PIGU: variants seen among roughly 807,000 people sequenced by gnomAD.
The protein encoded by PIGU is GPI-anchor transamidase component PIGU.
A neutral mutation model predicts 49.9 loss-of-function variants in PIGU; 24 were observed. The ratio of observed to expected loss-of-function variants is 0.48; its 90% CI spans 0.35 to 0.68. PIGU has a LOEUF of 0.68. PIGU is among the 30% of genes least tolerant of loss of function. PIGU has a pLI of 0.01. For synonymous variants in PIGU, 220 were observed against 205.7 expected (o/e 1.07, Z -0.59); for missense variants, 490 against 532.6 (o/e 0.92, Z 0.79).
At position 34,628,278 on chromosome 20, in the gene PIGU, T is replaced by C. The variant is rs150202090; in HGVS notation, c.529+6337A>G. Among the ~76,000 whole-genome samples the C allele has an allele frequency of 4.4e-3, 661 of 151,130 alleles. 4 individuals are homozygous for C. The highest frequency in any genetic ancestry group is 0.015 in the African/African-American group (626 of 41,140). On this transcript the variant is annotated intron_variant, in intron 6 of 11. Coordinates refer to ENST00000217446, the MANE Select transcript of PIGU (RefSeq NM_080476.5). ...TGGGAGGACAGCTTGAGCCCAGGAG[T>C]TCAAGACCAGCCTGGGCAACACAGT...
chr20:34,635,799 C>CG (rs1401863555), intron 5 of PIGU, among the ~76,000 whole-genome samples: 1 of 151,828 alleles, frequency 6.6e-6, no homozygotes, highest in Non-Finnish European at 1.5e-5. Context: ...GGCTTGAACC[C>CG]GGGAGGCTGA....
chr20:34,654,381 T>G (rs1421081810), intron 2 of PIGU, among the ~76,000 whole-genome samples: 1 of 107,406 alleles, frequency 9.3e-6, no homozygotes, highest in African/African-American at 3.5e-5. Flanking sequence ...GACAATCACT[T>G]GAATCCAGGG....
At chr20:34,603,203 C>T (rs1902813943) in intron 7 of PIGU, among the ~76,000 whole-genome samples, 1 of 152,058 alleles carries the variant, frequency 6.6e-6, no homozygotes, top group Admixed American at 6.6e-5. Context: ...ATCCTTTTGG[C>T]AAACTTTGGT....
At chr20:34,634,811 C>G in intron 5 of PIGU, 96 bp from the exon 6 acceptor site, 3 of 1,500,690 alleles carry the variant, frequency 2.0e-6, no homozygotes, top group Non-Finnish European at 2.7e-6. Flanking sequence ...TAAAAGCTTA[C>G]GCAAAGGAAG....
intron 10 of PIGU, among the ~76,000 whole-genome samples, chr20:34,577,584 C>T (rs1313830167): frequency 2.0e-5 from 3 of 152,046 alleles, no homozygotes; most frequent in Non-Finnish European, 4.4e-5. Context: ...GGCATGGTGG[C>T]GGGTGCCTAT....
rs572848616 is a variant in PIGU, at chr20:34,590,510, T to C, written c.628-1903A>G. On this transcript the variant is annotated intron_variant, in intron 7 of 11. Transcript: ENST00000217446. The stretch of plus-strand genomic sequence containing the variant: ...ATGCAGAGGCTGTAGTGAGCCGAGA[T>C]TGCACCACGGCTGCACTCCAGCCTG... Among the ~76,000 whole-genome samples, 7 of 151,946 alleles carry C rather than the reference T, an allele frequency of 4.6e-5. No homozygotes were observed. The East Asian group carries it at 5.8e-4, about 13-fold the overall frequency.
intron 2 of PIGU, among the ~76,000 whole-genome samples, chr20:34,648,478 A>T (rs749142540): frequency 1.3e-5 from 2 of 152,144 alleles, no homozygotes; most frequent in Non-Finnish European, 2.9e-5. Flanking sequence ...GGCTGTCAGC[A>T]TAATACAGTT....
chr20:34,577,837 A>G (rs74682031), intron 10 of PIGU, among the ~76,000 whole-genome samples: 113 of 152,322 alleles, frequency 7.4e-4, no homozygotes, highest in Middle Eastern at 3.4e-3. Context: ...CTTCCCAGGT[A>G]ATTCCAATAT....
chr20:34,674,947 GA>G (rs71196750), intron 1 of PIGU, among the ~76,000 whole-genome samples: 125,472 of 127,962 alleles, frequency 0.98, 61,539 homozygotes, highest in Middle Eastern at 1. Flanking sequence ...GTCTCTTGAA[GA>G]AAAAAAAAAA....
intron 7 of PIGU, among the ~76,000 whole-genome samples, chr20:34,600,263 T>C (rs1984365447): frequency 6.6e-6 from 1 of 151,674 alleles, no homozygotes; most frequent in Non-Finnish European, 1.5e-5. Flanking sequence ...AAAAATTAGC[T>C]GGACTTGGTG....
At chr20:34,561,033 G>A in intron 11 of PIGU, 54 bp from the exon 12 acceptor site, 1 of 1,309,920 alleles carries the variant, frequency 7.6e-7, no homozygotes, top group Non-Finnish European at 1.1e-6. Context: ...CCTAAACCCA[G>A]GATCCCTGAA....
At chr20:34,593,153 A>G (rs1398118115) in intron 7 of PIGU, among the ~76,000 whole-genome samples, 2 of 152,266 alleles carry the variant, frequency 1.3e-5, no homozygotes, top group Middle Eastern at 3.4e-3. Context: ...CCTGAGCAAC[A>G]TGGCGAAACC....
At chr20:34,584,556 G>GGC (rs972123489) in intron 9 of PIGU, among the ~76,000 whole-genome samples, 27 of 143,824 alleles carry the variant, frequency 1.9e-4, no homozygotes, top group African/African-American at 6.3e-4. Flanking sequence ...CTGTCATCCA[G>GGC]GCAGAAGTGC....
intron 7 of PIGU, among the ~76,000 whole-genome samples, chr20:34,595,115 A>AG (rs1984150582): frequency 6.9e-6 from 1 of 145,942 alleles, no homozygotes; most frequent in South Asian, 2.1e-4. Flanking sequence ...AAAAAAAAAA[A>AG]AAAGAAAAGA....
At chr20:34,609,742 C>A (rs187533403) in intron 7 of PIGU, among the ~76,000 whole-genome samples, 2 of 152,276 alleles carry the variant, frequency 1.3e-5, no homozygotes, top group African/African-American at 4.8e-5. Context: ...CCATGACCCA[C>A]AAGGCCCAGG....
chr20:34,660,459 C>A (rs909214578), intron 1 of PIGU, among the ~76,000 whole-genome samples: 1 of 152,132 alleles, frequency 6.6e-6, no homozygotes. Flanking sequence ...GTGGCGCGCA[C>A]CTGTAATCCC....
intron 1 of PIGU, 142 bp downstream of exon 1, chr20:34,676,814 C>T: frequency 3.3e-6 from 4 of 1,225,314 alleles, no homozygotes; most frequent in Non-Finnish European, 4.6e-6. Flanking sequence ...CCCTCAGGCC[C>T]CGCCCTCTCC....
At chr20:34,611,025 C>T (rs1984792957) in intron 7 of PIGU, among the ~76,000 whole-genome samples, 1 of 152,094 alleles carries the variant, frequency 6.6e-6, no homozygotes, top group African/African-American at 2.4e-5. Context: ...GAAACTGGAC[C>T]CCTTTGTTAC....
At position 34,588,442 on chromosome 20, in the gene PIGU, T is replaced by G; in HGVS notation, c.782+11A>C. On this transcript the variant is annotated intron_variant, in intron 8 of 11. Coordinates refer to ENST00000217446, the MANE Select transcript of PIGU (RefSeq NM_080476.5). ...CAGCTTCTAGAATTTTCTAACGTGG[T>G]CATTACTTACATAAAGCCATAGACT... The G allele has an allele frequency of 6.2e-7, 1 of 1,609,544 alleles. No individual in the cohort carries two copies. Among genetic ancestry groups the G allele is most frequent in the Non-Finnish European group, 8.5e-7 (1 of 1,177,832 alleles).
Sources: allele counts gnomAD v4.1 joint callset (sites outside exome capture counted in the v4.1 genomes callset), GRCh38; gene constraint gnomAD v4.1.1; transcripts MANE v1.5; gene names NCBI Gene and HGNC (gene_info 2026-07-23, HGNC 2026-07-21).